Variants in CRIM1 observed in about 807,000 individuals in gnomAD.
The protein encoded by CRIM1 is cysteine rich transmembrane BMP regulator 1, also known as cysteine-rich motor neuron 1 protein.
Under a neutral mutation model 116.4 loss-of-function variants are expected in CRIM1, and 32 were observed. The ratio of observed to expected loss-of-function variants is 0.27; its 90% CI spans 0.21 to 0.37. The LOEUF (loss-of-function observed/expected upper bound fraction) is 0.37, where lower values mean the gene tolerates loss of function less well. Ranked by LOEUF, CRIM1 falls within the 10% of genes least tolerant of loss-of-function variation. The pLI is 1.00. For missense variants in CRIM1, 1,331 were observed against 1,354.8 expected (o/e 0.98, Z 0.28); for synonymous variants, 590 against 509.2 (o/e 1.16, Z -2.13).
intron 2 of CRIM1, 107 bp from the exon 3 acceptor site, chr2:36,441,151 A>G (rs1675784863): frequency 6.3e-6 from 9 of 1,436,888 alleles, no homozygotes; most frequent in East Asian, 4.6e-5. Flanking sequence ...TTCTTTCCCT[A>G]CCGTCCTCTT....
At chr2:36,368,836 G>C (rs1669764125) in intron 1 of CRIM1, among the ~76,000 whole-genome samples, 1 of 152,110 alleles carries the variant, frequency 6.6e-6, no homozygotes, top group Non-Finnish European at 1.5e-5. Context: ...TTTTGCTCCA[G>C]AAAATTTTTT....
At chr2:36,536,885 C>G (rs949231018) in intron 13 of CRIM1, among the ~76,000 whole-genome samples, 1 of 151,786 alleles carries the variant, frequency 6.6e-6, no homozygotes, top group African/African-American at 2.4e-5. Flanking sequence ...CGCAGCATCC[C>G]TGGAAAATGA....
chr2:36,521,750 G>A (rs1010981474), intron 12 of CRIM1, among the ~76,000 whole-genome samples: 2 of 152,178 alleles, frequency 1.3e-5, no homozygotes, highest in South Asian at 4.1e-4. Flanking sequence ...AGTTTCAAGG[G>A]AGCCTAGGAA....
At chr2:36,364,128 T>C (rs1669433302) in intron 1 of CRIM1, among the ~76,000 whole-genome samples, 3 of 152,186 alleles carry the variant, frequency 2.0e-5, no homozygotes, top group South Asian at 2.1e-4. Flanking sequence ...GAAATTTTAG[T>C]GTGCACACAA....
intron 1 of CRIM1, among the ~76,000 whole-genome samples, chr2:36,395,057 C>T (rs183183014): frequency 1.3e-5 from 2 of 148,690 alleles, no homozygotes; most frequent in East Asian, 2.0e-4. Flanking sequence ...CTTTGTTGCC[C>T]AGGCTGGAGT....
intron 2 of CRIM1, among the ~76,000 whole-genome samples, chr2:36,436,994 A>G (rs1379243100): frequency 6.6e-6 from 1 of 152,274 alleles, no homozygotes; most frequent in Non-Finnish European, 1.5e-5. Context: ...TATTCAAAGC[A>G]TAATTAAAAT....
At position 36,513,250 on chromosome 2, in the gene CRIM1, A is replaced by G. The variant is rs3755198; in HGVS notation, c.1781-306A>G. ...TGAATACATTCAACATATTTGTAAA[A>G]TTTGTTATAAAATCAGTGCTTGTTT... On this transcript the variant is annotated intron_variant, in intron 10 of 16. Coordinates refer to ENST00000280527, the MANE Select transcript of CRIM1 (RefSeq NM_016441.3). 227 of 312,368 alleles carry G rather than the reference A, an allele frequency of 7.3e-4. 4 individuals carry two copies. In the East Asian group the frequency reaches 0.014, roughly 19 times the overall value. The allele number at this position is 312,368 out of a possible 1,614,324, so 19.3% of individuals were successfully genotyped here.
At chr2:36,470,383 GA>G (rs1419492806) in intron 5 of CRIM1, among the ~76,000 whole-genome samples, 1 of 152,160 alleles carries the variant, frequency 6.6e-6, no homozygotes, top group Non-Finnish European at 1.5e-5. Flanking sequence ...GCCTTCTATG[GA>G]AAGAAGATGC....
intron 1 of CRIM1, among the ~76,000 whole-genome samples, chr2:36,384,917 A>G (rs750686528): frequency 1.2e-4 from 19 of 152,248 alleles, no homozygotes; most frequent in Non-Finnish European, 2.5e-4. Context: ...TTTGACATAC[A>G]TGCCAGACTT....
At chr2:36,427,919 G>A (rs553217248) in intron 2 of CRIM1, among the ~76,000 whole-genome samples, 26 of 152,306 alleles carry the variant, frequency 1.7e-4, no homozygotes, top group Admixed American at 5.2e-4. Context: ...CACCTGGCTG[G>A]TGGACAGCAC....
intron 2 of CRIM1, among the ~76,000 whole-genome samples, chr2:36,429,806 G>C (rs753273808): frequency 7.2e-5 from 11 of 152,286 alleles, no homozygotes; most frequent in Non-Finnish European, 1.0e-4. Context: ...GCTTAAAAAA[G>C]CGTTTGCCTT....
intron 1 of CRIM1, among the ~76,000 whole-genome samples, chr2:36,380,953 C>T (rs1471372066): frequency 4.6e-5 from 7 of 152,228 alleles, no homozygotes; most frequent in Admixed American, 3.9e-4. Context: ...CCAAAGGGGT[C>T]GAGGAGCTTT....
chr2:36,460,998 C>G (rs116433364), intron 4 of CRIM1, among the ~76,000 whole-genome samples: 6 of 151,974 alleles, frequency 3.9e-5, no homozygotes, highest in Non-Finnish European at 7.4e-5. Flanking sequence ...AGAGCATGAC[C>G]GTAGCAATGG....
intron 8 of CRIM1, 117 bp downstream of exon 8, chr2:36,499,464 A>G (rs1330454607): frequency 3.1e-6 from 3 of 981,914 alleles, no homozygotes; most frequent in Non-Finnish European, 4.5e-6. Context: ...ACAACCTGAA[A>G]AAAAGGGGAA....
chr2:36,470,470 T>C (rs1013697395), intron 5 of CRIM1, among the ~76,000 whole-genome samples: 8 of 152,170 alleles, frequency 5.3e-5, no homozygotes, highest in Admixed American at 4.6e-4. Context: ...TATTAGGGGC[T>C]AATGCAGCTG....
chr2:36,373,402 C>G (rs1440592821), intron 1 of CRIM1, among the ~76,000 whole-genome samples: 1 of 152,126 alleles, frequency 6.6e-6, no homozygotes, highest in East Asian at 1.9e-4. Context: ...CAGCAAGTAC[C>G]ATTTTCAGTG....
intron 2 of CRIM1, among the ~76,000 whole-genome samples, chr2:36,427,719 T>A (rs1572706071): frequency 6.6e-6 from 1 of 152,240 alleles, no homozygotes; most frequent in African/African-American, 2.4e-5. Context: ...GTCCCTATGG[T>A]ATGGAGGCCC....
At chr2:36,544,119 G>A (rs1407074534) in intron 14 of CRIM1, among the ~76,000 whole-genome samples, 1 of 152,138 alleles carries the variant, frequency 6.6e-6, no homozygotes, top group Non-Finnish European at 1.5e-5. Flanking sequence ...AACACCATTT[G>A]ACGTGAAAAA....
intron 7 of CRIM1, among the ~76,000 whole-genome samples, chr2:36,493,892 A>G (rs1294927381): frequency 6.6e-6 from 1 of 152,206 alleles, no homozygotes; most frequent in South Asian, 2.1e-4. Context: ...GGATCAAAGT[A>G]TGTTCATTTT....
Sources: allele counts gnomAD v4.1 joint callset (sites outside exome capture counted in the v4.1 genomes callset), GRCh38; gene constraint gnomAD v4.1.1; transcripts MANE v1.5; gene names NCBI Gene and HGNC (gene_info 2026-07-23, HGNC 2026-07-21).